The following VAMP5 variants were observed in gnomAD, a reference collection of about 807,000 sequenced individuals.
VAMP5 encodes vesicle-associated membrane protein 5.
VAMP5 carries 10 observed loss-of-function variants against 8.1 expected under a neutral mutation model. The ratio of observed to expected loss-of-function variants is 1.23; its 90% CI spans 0.76 to 2.09. The LOEUF (loss-of-function observed/expected upper bound fraction) is 2.09, where lower values mean the gene tolerates loss of function less well. VAMP5 is among the 30% of genes most tolerant of loss of function. VAMP5 has a pLI of 0.00. For synonymous variants in VAMP5, 62 were observed against 60.6 expected, an observed-to-expected ratio of 1.02 and a Z score of -0.11; for missense variants, 135 against 152.5, an observed-to-expected ratio of 0.89 and a Z score of 0.60.
rs14298 is a variant in VAMP5, at chr2:85,593,199, C to T, written c.*42C>T. On this transcript the variant is annotated 3_prime_UTR_variant, in exon 3 of 3. Transcript: ENST00000306384. The stretch of plus-strand genomic sequence containing the variant: ...GGAGAAGCCAAATGGCTGCACTGGC[C>T]GATTCTGGTCTCCAGAGGACCTTGG... 517 of 1,605,754 alleles carry T rather than the reference C, an allele frequency of 3.2e-4. 3 individuals carry two copies. The highest frequency in any genetic ancestry group is 3.1e-3 in the African/African-American group (232 of 74,862).
At chr2:85,592,449 G>GCCACAC (rs1343682673) in intron 2 of VAMP5, among the ~76,000 whole-genome samples, 1 of 152,134 alleles carries the variant, frequency 6.6e-6, no homozygotes, top group Non-Finnish European at 1.5e-5. Context: ...AAAGTCAAGG[G>GCCACAC]CCACACCGGT....
intron 1 of VAMP5, among the ~76,000 whole-genome samples, chr2:85,588,115 G>A (rs554991714): frequency 2.6e-4 from 40 of 152,212 alleles, no homozygotes; most frequent in Non-Finnish European, 5.3e-4. Flanking sequence ...TCAGCCTCCC[G>A]AGTAGCTGGG....
At chr2:85,586,573 C>T (rs1672461949) in intron 1 of VAMP5, among the ~76,000 whole-genome samples, 1 of 149,330 alleles carries the variant, frequency 6.7e-6, no homozygotes, top group African/African-American at 2.5e-5. Context: ...AAGGCTGTCT[C>T]AGAACAAAAA....
rs1672567026 is a variant in VAMP5, at chr2:85,592,938, G to A, written c.142-10G>A. The A allele has an allele frequency of 1.9e-6, 3 of 1,613,194 alleles. No homozygotes were observed. In the South Asian group the frequency reaches 3.3e-5, roughly 18 times the overall value. On this transcript the variant is annotated splice_polypyrimidine_tract_variant and intron_variant, in intron 2 of 2. Coordinates refer to ENST00000306384, the MANE Select transcript of VAMP5 (RefSeq NM_006634.3). ...GCTAACTCCCACTTTGTGTCTGGGGGTATCCGCAGAGCTCAACCTTCAACA... is the reference window on the plus strand; with the variant it reads ...GCTAACTCCCACTTTGTGTCTGGGGATATCCGCAGAGCTCAACCTTCAACA...
intron 1 of VAMP5, among the ~76,000 whole-genome samples, chr2:85,586,030 C>T (rs1371944849): frequency 6.6e-6 from 1 of 152,170 alleles, no homozygotes. Context: ...TGTAGATGAT[C>T]CTCTCTCCAA....
At chr2:85,587,534 G>T (rs898957268) in intron 1 of VAMP5, among the ~76,000 whole-genome samples, 1 of 151,150 alleles carries the variant, frequency 6.6e-6, no homozygotes, top group East Asian at 1.9e-4. Context: ...TTACAGGCGT[G>T]AGCCACCACA....
intron 1 of VAMP5, among the ~76,000 whole-genome samples, chr2:85,590,195 C>G (rs1309815682): frequency 6.6e-6 from 1 of 152,204 alleles, no homozygotes; most frequent in African/African-American, 2.4e-5. Flanking sequence ...TTTTCTAGCT[C>G]ATGGGTAAAT....
At chr2:85,587,114 C>G (rs908784840) in intron 1 of VAMP5, among the ~76,000 whole-genome samples, 7 of 151,998 alleles carry the variant, frequency 4.6e-5, no homozygotes, top group Admixed American at 4.6e-4. Context: ...TGCTAGTTAC[C>G]AAGTTACCAA....
At chr2:85,589,432 T>G (rs538335983) in intron 1 of VAMP5, among the ~76,000 whole-genome samples, 21 of 152,158 alleles carry the variant, frequency 1.4e-4, no homozygotes, top group Non-Finnish European at 2.6e-4. Flanking sequence ...TGGCTTCGCA[T>G]TGGGGGAGAC....
Position 85,592,967 on chromosome 2 carries a change from C to G in VAMP5, c.161C>G (p.Thr54Ser). The G allele has an allele frequency of 6.2e-7, 1 of 1,614,048 alleles. No homozygotes were observed. The highest frequency in any genetic ancestry group is 8.5e-7 in the Non-Finnish European group (1 of 1,180,038). Reference protein sequence around the residue: ...LLDMSSTFNKTTQNLAQKKCW... With the variant: ...LLDMSSTFNKSTQNLAQKKCW... Reference sequence around the variant, plus strand: ...CCGCAGAGCTCAACCTTCAACAAGACTACACAGAACCTGGCCCAGAAGAAG... The same window carrying G: ...CCGCAGAGCTCAACCTTCAACAAGAGTACACAGAACCTGGCCCAGAAGAAG... The change falls in exon 3 of 3, where the codon ACT becomes AGT. Residue 54 changes from threonine (T) to serine (S), a missense_variant. By Grantham distance (58) the Thr-to-Ser change is moderately conservative (BLOSUM62 1). Coordinates refer to ENST00000306384, the MANE Select transcript of VAMP5 (RefSeq NM_006634.3).
In VAMP5 at chr2:85,591,729, G is replaced by T. The variant is rs746826715; in HGVS notation, c.8G>T (p.Gly3Val). The T allele has an allele frequency of 2.5e-6, 4 of 1,614,154 alleles. No individual in the cohort carries two copies. Among genetic ancestry groups the T allele is most frequent in the Non-Finnish European group, 3.4e-6 (4 of 1,180,012 alleles). The change falls in exon 2 of 3, where the codon GGA becomes GTA. Residue 3 changes from glycine to valine, a missense_variant. By Grantham distance (109) the Gly-to-Val change is moderately radical (BLOSUM62 -3). Transcript: ENST00000306384. ...GACCTCGGGCTTGGTGTCCAGGCAG[G>T]AATAGAGTTGGAGCGGTGCCAGCAG... MA[G>V]IELERCQQQA...
intron 2 of VAMP5, 47 bp downstream of exon 2, chr2:85,591,909 A>G (rs777884955): frequency 4.3e-6 from 7 of 1,609,836 alleles, no homozygotes; most frequent in Middle Eastern, 1.6e-4. Context: ...GGATTGGGAA[A>G]GTCTCTCTTG....
At chr2:85,588,392 T>G (rs1266885430) in intron 1 of VAMP5, among the ~76,000 whole-genome samples, 1 of 152,126 alleles carries the variant, frequency 6.6e-6, no homozygotes, top group Non-Finnish European at 1.5e-5. Flanking sequence ...TAACTGCCAC[T>G]CTCTGGCAAT....
At chr2:85,592,027 T>G (rs1170500714) in intron 2 of VAMP5, among the ~76,000 whole-genome samples, 165 bp downstream of exon 2, 2 of 152,166 alleles carry the variant, frequency 1.3e-5, no homozygotes, top group Non-Finnish European at 2.9e-5. Context: ...ATGCAACAGA[T>G]AGACCCCACA....
At chr2:85,590,514 G>A (rs1171198846) in intron 1 of VAMP5, among the ~76,000 whole-genome samples, 1 of 152,314 alleles carries the variant, frequency 6.6e-6, no homozygotes, top group South Asian at 2.1e-4. Context: ...GATCCTGAAG[G>A]AGGATTCTTG....
intron 1 of VAMP5, 49 bp downstream of exon 1, chr2:85,584,542 G>C: frequency 8.1e-7 from 1 of 1,234,010 alleles, no homozygotes; most frequent in Non-Finnish European, 1.0e-6. Context: ...CAGAGGGCGA[G>C]TGGCGAGGGT....
rs1672544485 is a variant in VAMP5, at chr2:85,591,861, T to C, written c.140T>C (p.Met47Thr). ...LQQRSDQLLD[M>T]SSTFNKTTQN... is the part of the protein sequence containing the mutation. ...CAGCGTTCAGACCAACTCCTGGATATGGTGTGAGGCCTGGGGGAGCATGGA... is the reference window on the plus strand; with the variant it reads ...CAGCGTTCAGACCAACTCCTGGATACGGTGTGAGGCCTGGGGGAGCATGGA... Residue 47 changes from methionine (M) to threonine (T), a missense_variant and splice_region_variant, in exon 2 of 3, where the codon ATG becomes ACG. Coordinates refer to ENST00000306384, the MANE Select transcript of VAMP5 (RefSeq NM_006634.3). 2 of 1,613,866 alleles carry C rather than the reference T, an allele frequency of 1.2e-6. No individual in the cohort carries two copies. Among genetic ancestry groups the C allele is most frequent in the East Asian group, 2.2e-5 (1 of 44,874 alleles).
intron 1 of VAMP5, among the ~76,000 whole-genome samples, chr2:85,588,792 G>T (rs957023413): frequency 6.6e-6 from 1 of 151,984 alleles, no homozygotes; most frequent in Non-Finnish European, 1.5e-5. Context: ...GGTCCTCACT[G>T]TCAGGGTGTA....
chr2:85,592,926 T>C (rs367808899), intron 2 of VAMP5, 22 bp from the exon 3 acceptor site: 9 of 1,612,694 alleles, frequency 5.6e-6, no homozygotes, highest in Admixed American at 1.7e-5. Flanking sequence ...AACTCCCACT[T>C]TGTGTCTGGG....
Sources: gnomAD v4.1 joint callset for allele counts (sites outside exome capture counted in the v4.1 genomes callset) on GRCh38, gnomAD v4.1.1 for gene constraint, MANE v1.5 for transcripts, NCBI Gene and HGNC (gene_info 2026-07-23, HGNC 2026-07-21) for gene names.